PRKCE: variants seen among roughly 807,000 people sequenced by gnomAD.
PRKCE encodes the protein protein kinase C epsilon type.
In PRKCE, 16 loss-of-function variants were observed where a neutral mutation model predicts 85.4. The ratio of observed to expected loss-of-function variants is 0.19; its 90% CI spans 0.13 to 0.28. The LOEUF (loss-of-function observed/expected upper bound fraction) is 0.28. Among genes scored for constraint, PRKCE ranks in the 10% least tolerant of loss-of-function variants. The pLI is 1.00. For synonymous variants in PRKCE, 388 were observed against 371.5 expected, an observed-to-expected ratio of 1.04 and a Z score of -0.51; for missense variants, 573 against 975.2, an observed-to-expected ratio of 0.59 and a Z score of 5.49.
intron 14 of PRKCE, among the ~76,000 whole-genome samples, chr2:46,178,437 A>G (rs980519621): frequency 9.9e-5 from 15 of 152,254 alleles, no homozygotes; most frequent in Non-Finnish European, 2.2e-4. Context: ...GATTATGTTT[A>G]GAGAAATTTT....
intron 1 of PRKCE, among the ~76,000 whole-genome samples, chr2:45,682,680 G>A (rs1179579332): frequency 6.6e-6 from 1 of 152,112 alleles, no homozygotes; most frequent in African/African-American, 2.4e-5. Context: ...TCCACCTCCT[G>A]GATTCAAGCA....
chr2:46,130,413 AT>A (rs2104401427), intron 11 of PRKCE, among the ~76,000 whole-genome samples: 1 of 151,782 alleles, frequency 6.6e-6, no homozygotes, highest in African/African-American at 2.4e-5. Context: ...TATGATTAAT[AT>A]AACATGACAT....
intron 14 of PRKCE, among the ~76,000 whole-genome samples, chr2:46,178,746 A>G (rs1336012226): frequency 6.6e-6 from 1 of 152,214 alleles, no homozygotes; most frequent in Non-Finnish European, 1.5e-5. Context: ...TGGCTGTTAT[A>G]GTGACTAAAA....
intron 10 of PRKCE, among the ~76,000 whole-genome samples, chr2:46,055,643 C>T (rs554446717): frequency 6.6e-6 from 1 of 152,202 alleles, no homozygotes; most frequent in South Asian, 2.1e-4. Context: ...CTGGATCTGC[C>T]CTTTGGAAAA....
rs974262371 is a variant in PRKCE, at chr2:45,652,011, C to A, written c.-90C>A. On this transcript the variant is annotated 5_prime_UTR_variant, in exon 1 of 15. Coordinates refer to ENST00000306156, the MANE Select transcript of PRKCE (RefSeq NM_005400.3). The surrounding 1 kb of genome is among the most constrained non-coding windows in gnomAD (Gnocchi z 7.7). Reference sequence around the variant, plus strand: ...GTGGGGCGAAAGGGGACCCAAGAGTCCCTGTGGCTCGGAGTGCCGGGCCGT... The same window carrying A: ...GTGGGGCGAAAGGGGACCCAAGAGTACCTGTGGCTCGGAGTGCCGGGCCGT... 5 of 1,026,132 alleles carry A rather than the reference C, an allele frequency of 4.9e-6. No individual in the cohort carries two copies. Among genetic ancestry groups the A allele is most frequent in the Non-Finnish European group, 5.8e-6 (4 of 693,996 alleles). The allele number at this position is 1,026,132 out of a possible 1,614,324, so 63.6% of individuals were successfully genotyped here.
intron 1 of PRKCE, among the ~76,000 whole-genome samples, chr2:45,672,153 G>A (rs1676200573): frequency 6.6e-6 from 1 of 151,704 alleles, no homozygotes. Flanking sequence ...TCCTAGTAAG[G>A]TACTTACATT....
rs1261849154 is a variant in PRKCE at position 46,068,672 on chromosome 2, G to A, written c.1438-17536G>A. Among the ~76,000 whole-genome samples, 2 of 152,216 alleles carry A rather than the reference G, an allele frequency of 1.3e-5. No homozygotes were observed. The highest frequency in any genetic ancestry group is 3.8e-4 in the East Asian group (2 of 5,206). On this transcript the variant is annotated intron_variant, in intron 10 of 14. Transcript: ENST00000306156. This position sits in a 1 kb window ranked among gnomAD's most constrained non-coding sequence, Gnocchi z 4.3. ...ATTCAGAAGCAGAAGAATTCTCCAAGGGCTGTCTTCATTTGCAAAGGCATC... is the reference window on the plus strand; with the variant it reads ...ATTCAGAAGCAGAAGAATTCTCCAAAGGCTGTCTTCATTTGCAAAGGCATC...
chr2:45,997,019 G>C (rs1704274921), intron 6 of PRKCE, among the ~76,000 whole-genome samples: 1 of 152,098 alleles, frequency 6.6e-6, no homozygotes, highest in Non-Finnish European at 1.5e-5. Context: ...TTTGTACTGT[G>C]TATGTCTTCT....
chr2:46,178,600 A>G lies in PRKCE; in HGVS notation c.2068-6135A>G, dbSNP rs138911221. ...ATGTATGGCTATGAAGAATATATGT[A>G]TCTATATGAGGATCTAGTTAATGGT... On this transcript the variant is annotated intron_variant, in intron 14 of 14. Transcript: ENST00000306156. Among the ~76,000 whole-genome samples the G allele has an allele frequency of 3.5e-3, 531 of 152,362 alleles. 3 individuals are homozygous for G. Among genetic ancestry groups the G allele is most frequent in the African/African-American group, 0.012 (491 of 41,578 alleles).
intron 1 of PRKCE, among the ~76,000 whole-genome samples, chr2:45,775,217 C>T (rs751652186): frequency 9.9e-5 from 15 of 152,194 alleles, no homozygotes; most frequent in Non-Finnish European, 2.1e-4. Flanking sequence ...AAATAAGTTT[C>T]CTGTGGTCAT....
chr2:45,812,481 A>G (rs1350357881), intron 1 of PRKCE, among the ~76,000 whole-genome samples: 2 of 152,218 alleles, frequency 1.3e-5, no homozygotes, highest in Non-Finnish European at 2.9e-5. Flanking sequence ...TGAAGACAAG[A>G]AACTCCAGGA....
chr2:46,009,267 A>C (rs913030769), intron 9 of PRKCE, among the ~76,000 whole-genome samples: 1 of 152,216 alleles, frequency 6.6e-6, no homozygotes, highest in African/African-American at 2.4e-5. Flanking sequence ...AAAATAACAG[A>C]AAATTATAAA....
chr2:45,813,416 G>T (rs1030043396), intron 1 of PRKCE, among the ~76,000 whole-genome samples: 4 of 152,234 alleles, frequency 2.6e-5, no homozygotes, highest in Admixed American at 6.5e-5. Context: ...CAGATGCAGT[G>T]CTAAGGAAGG....
At chr2:45,837,922 GA>G (rs1353220975) in intron 1 of PRKCE, among the ~76,000 whole-genome samples, 9 of 152,202 alleles carry the variant, frequency 5.9e-5, no homozygotes, top group Admixed American at 5.9e-4. Context: ...TTAATTGTGA[GA>G]AATGAATAAA....
intron 10 of PRKCE, among the ~76,000 whole-genome samples, chr2:46,025,536 T>G (rs568074166): frequency 8.0e-4 from 122 of 152,310 alleles, no homozygotes; most frequent in Admixed American, 2.0e-3. Context: ...GTAGGTATAC[T>G]CCTACAAATT....
At chr2:46,129,541 A>G (rs544982352) in intron 11 of PRKCE, among the ~76,000 whole-genome samples, 10 of 152,364 alleles carry the variant, frequency 6.6e-5, no homozygotes, top group Non-Finnish European at 8.8e-5. Context: ...TAGTCACTCC[A>G]TGAATATTTG....
At chr2:45,758,828 C>G (rs923978629) in intron 1 of PRKCE, among the ~76,000 whole-genome samples, 1 of 152,170 alleles carries the variant, frequency 6.6e-6, no homozygotes, top group Admixed American at 6.6e-5. Flanking sequence ...TAGGCTGTGT[C>G]TTAGGGGTGA....
chr2:45,978,795 T>C (rs555162887), intron 3 of PRKCE, among the ~76,000 whole-genome samples, 181 bp from the exon 4 acceptor site: 4 of 152,328 alleles, frequency 2.6e-5, no homozygotes, highest in South Asian at 4.1e-4. Context: ...GACTGCCCTC[T>C]GTGGGCTTCT....
chr2:45,928,916 C>A (rs1324229512), intron 2 of PRKCE, among the ~76,000 whole-genome samples: 3 of 152,182 alleles, frequency 2.0e-5, no homozygotes, highest in Non-Finnish European at 4.4e-5. Flanking sequence ...CTGGGGGCCC[C>A]TCTGTCAGCG....
Sources: allele counts gnomAD v4.1 joint callset (sites outside exome capture counted in the v4.1 genomes callset), GRCh38; gene constraint gnomAD v4.1.1; non-coding constraint Gnocchi (gnomAD v3.1); transcripts MANE v1.5; gene names NCBI Gene and HGNC (gene_info 2026-07-23, HGNC 2026-07-21).